Variants in DMD observed in about 807,000 individuals in gnomAD.
DMD encodes mutant dystrophin.
DMD carries 63 observed loss-of-function variants against 330.1 expected under a neutral mutation model. The ratio of observed to expected loss-of-function variants is 0.19; its 90% CI spans 0.16 to 0.24. The LOEUF is 0.24. Ranked by LOEUF, DMD falls within the 10% of genes least tolerant of loss-of-function variation. The pLI is 1.00. For synonymous variants in DMD, 1,223 were observed against 959.8 expected (o/e 1.27, Z -5.07); for missense variants, 3,344 against 2,684.1 (o/e 1.25, Z -5.43).
At chrX:32,773,519 T>TTA (rs1446339721) in intron 7 of DMD, among the ~76,000 whole-genome samples, 78 of 95,995 alleles carry the variant, frequency 8.1e-4, no homozygotes, top group Non-Finnish European at 1.5e-3. Context: ...ACTTTTTATT[T>TTA]TTTTTTTTTT....
chrX:31,768,347 C>A (rs1420658674), intron 51 of DMD, among the ~76,000 whole-genome samples: 1 of 110,601 alleles, frequency 9.0e-6, no homozygotes, highest in Non-Finnish European at 1.9e-5. Flanking sequence ...CATCCCTCTT[C>A]CATTTCCTCC....
chrX:31,293,265 T>A (rs1156320060), intron 62 of DMD, among the ~76,000 whole-genome samples: 2 of 101,865 alleles, frequency 2.0e-5, no homozygotes, highest in African/African-American at 7.3e-5. Flanking sequence ...TTAGGGCTAC[T>A]GATAATGTTT....
chrX:32,717,415 T>G (rs1458244123), intron 7 of DMD, among the ~76,000 whole-genome samples: 1 of 111,612 alleles, frequency 9.0e-6, no homozygotes, highest in East Asian at 2.8e-4. Context: ...ATTGGTGGCT[T>G]CCATGTGGTG....
rs191116485 is a variant in DMD, at chrX:32,720,716, C to G, written c.650-21423G>C. Among the ~76,000 whole-genome samples, 530 of 111,581 alleles carry G rather than the reference C, an allele frequency of 4.7e-3. 14 individuals carry two copies. The highest frequency in any genetic ancestry group is 0.016 in the African/African-American group (501 of 30,816). ...CGATAGACATTTTAACTAGCTAGAT[C>G]AAATCTTTCTCATAATGTATGCATA... On this transcript the variant is annotated intron_variant, in intron 7 of 78. Transcript: ENST00000357033.
chrX:32,204,669 G>A (rs2097055843), intron 44 of DMD, among the ~76,000 whole-genome samples: 1 of 110,349 alleles, frequency 9.1e-6, no homozygotes, highest in African/African-American at 3.3e-5. Flanking sequence ...AAAAGAAAAG[G>A]GGTTTTCTTT....
chrX:32,607,408 A>T (rs1386923408), intron 12 of DMD, among the ~76,000 whole-genome samples: 1 of 108,263 alleles, frequency 9.2e-6, no homozygotes, highest in Non-Finnish European at 1.9e-5. Context: ...ACCATTATGT[A>T]AAAATAGTTT....
intron 60 of DMD, among the ~76,000 whole-genome samples, chrX:31,385,965 T>C (rs1451496299): frequency 1.5e-4 from 17 of 112,282 alleles, no homozygotes; most frequent in Admixed American, 9.4e-4. Flanking sequence ...AGCAAAGATT[T>C]GGAACCAACC....
At position 31,394,327 on chromosome X, in the gene DMD, A is replaced by G. The variant is rs373165778; in HGVS notation, c.9085-45693T>C. ...CTCTTTGGAGAAACAACTTGTAAAA[A>G]TATGATCCTTGTTAGCAGGATATCT... On this transcript the variant is annotated intron_variant, in intron 60 of 78. Transcript: ENST00000357033. 2.4e-4 allele frequency among the ~76,000 whole-genome samples: 27 copies of G among 112,730 alleles called. No individual in the cohort carries two copies. In the East Asian group the frequency reaches 6.4e-3, roughly 27 times the overall value.
chrX:31,562,813 A>T (rs2075268578), intron 55 of DMD, among the ~76,000 whole-genome samples: 1 of 111,294 alleles, frequency 9.0e-6, no homozygotes, highest in African/African-American at 3.3e-5. Flanking sequence ...TTTTCCTTAT[A>T]GCTTTTGAGT....
Position 32,178,962 on chromosome X carries a change from CT to C in DMD, c.6438+37953del, listed in dbSNP as rs1569549018. Among the ~76,000 whole-genome samples the C allele has an allele frequency of 3.3e-3, 348 of 104,271 alleles. 2 individuals carry two copies. The highest frequency in any genetic ancestry group is 0.011 in the African/African-American group (307 of 27,604). 90.5% of individuals were successfully genotyped at this position (104,271 alleles called of 115,157 possible). On this transcript the variant is annotated intron_variant, in intron 44 of 78. Transcript: ENST00000357033. ...AGATTCTCTCTCTCTCTCTCTCTCT[CT>C]CTCTCTCTCTCTCTCTCTCCCTCTC... is the stretch of plus-strand genomic sequence containing the variant.
chrX:32,179,938 T>A (rs2096921677), intron 44 of DMD, among the ~76,000 whole-genome samples: 1 of 112,061 alleles, frequency 8.9e-6, no homozygotes, highest in Non-Finnish European at 1.9e-5. Flanking sequence ...AGACTGTGAG[T>A]CCATTAAGCC....
intron 7 of DMD, among the ~76,000 whole-genome samples, chrX:32,784,224 T>C (rs981173647): frequency 1.3e-4 from 14 of 111,986 alleles, no homozygotes; most frequent in African/African-American, 2.9e-4. Flanking sequence ...AGCGTTTCTA[T>C]AGCTCTCAAA....
At chrX:32,550,653 T>C (rs1233064526) in intron 16 of DMD, among the ~76,000 whole-genome samples, 1 of 108,770 alleles carries the variant, frequency 9.2e-6, no homozygotes, top group Non-Finnish European at 1.9e-5. Context: ...TGAAGGAAAA[T>C]GAGATGCAAA....
chrX:32,181,579 T>G (rs999973074), intron 44 of DMD, among the ~76,000 whole-genome samples: 6 of 111,744 alleles, frequency 5.4e-5, no homozygotes, highest in African/African-American at 2.0e-4. Flanking sequence ...GGGTTAAAGG[T>G]CATTGGTTTA....
At chrX:32,532,289 G>C (rs145180282) in intron 17 of DMD, among the ~76,000 whole-genome samples, 279 of 112,231 alleles carry the variant, frequency 2.5e-3, no homozygotes, top group Non-Finnish European at 4.1e-3. Context: ...TGATACTTCA[G>C]AATGTAGAAC....
chrX:31,578,755 G>A (rs1480901717), intron 55 of DMD, among the ~76,000 whole-genome samples: 2 of 112,106 alleles, frequency 1.8e-5, no homozygotes, highest in Non-Finnish European at 3.8e-5. Context: ...GGGCAGCAAA[G>A]GGAAGATAAA....
At chrX:31,399,003 G>T (rs1420299921) in intron 60 of DMD, among the ~76,000 whole-genome samples, 1 of 107,170 alleles carries the variant, frequency 9.3e-6, no homozygotes, top group Non-Finnish European at 1.9e-5. Context: ...GCAGCCTCTA[G>T]GGGAGGGTGC....
intron 7 of DMD, among the ~76,000 whole-genome samples, chrX:32,808,783 A>G (rs2077134925): frequency 8.9e-6 from 1 of 112,050 alleles, no homozygotes; most frequent in South Asian, 3.7e-4. Context: ...TTGAGAATTG[A>G]GAACAGAGGC....
At chrX:32,522,102 G>A (rs756479108) in intron 17 of DMD, among the ~76,000 whole-genome samples, 1 of 111,731 alleles carries the variant, frequency 9.0e-6, no homozygotes, top group Non-Finnish European at 1.9e-5. Context: ...CCCAGTTTAT[G>A]GTATTTTGTT....
Sources: gnomAD v4.1 joint callset for allele counts (sites outside exome capture counted in the v4.1 genomes callset) on GRCh38, gnomAD v4.1.1 for gene constraint, MANE v1.5 for transcripts, NCBI Gene and HGNC (gene_info 2026-07-23, HGNC 2026-07-21) for gene names.